The following LRP1B variants were observed in gnomAD, a reference collection of about 807,000 sequenced individuals.
LRP1B encodes the protein LDL receptor related protein 1B.
Under a neutral mutation model 556.6 loss-of-function variants are expected in LRP1B, and 217 were observed. That is an observed-to-expected ratio of 0.39 (90% CI 0.35 to 0.44). The LOEUF (loss-of-function observed/expected upper bound fraction) is 0.44, where lower values mean the gene tolerates loss of function less well. Ranked by LOEUF, LRP1B falls within the 20% of genes least tolerant of loss-of-function variation. The probability of loss-of-function intolerance (pLI) is 1.00; values close to 1 mark genes in which losing one functional copy is unlikely to be tolerated. For synonymous variants in LRP1B, 2,047 were observed against 1,865.8 expected (o/e 1.10, Z -2.50); for missense variants, 5,053 against 5,620.8 (o/e 0.90, Z 3.23).
At chr2:140,339,650 G>A (rs909526418) in intron 77 of LRP1B, among the ~76,000 whole-genome samples, 3 of 151,410 alleles carry the variant, frequency 2.0e-5, no homozygotes, top group African/African-American at 4.8e-5. Flanking sequence ...AATATGAATC[G>A]GATTCACTTC....
At chr2:140,546,989 T>G (rs1312980624) in intron 43 of LRP1B, among the ~76,000 whole-genome samples, 1 of 152,164 alleles carries the variant, frequency 6.6e-6, no homozygotes. Context: ...CAAGCTTGCA[T>G]CCGAGGGATA....
At chr2:140,377,969 C>G (rs1275226191) in intron 68 of LRP1B, among the ~76,000 whole-genome samples, 1 of 152,142 alleles carries the variant, frequency 6.6e-6, no homozygotes, top group African/African-American at 2.4e-5. Context: ...TGAGGTAAAA[C>G]AGACTATAAA....
At chr2:140,548,611 C>G (rs944218205) in intron 43 of LRP1B, among the ~76,000 whole-genome samples, 1 of 152,062 alleles carries the variant, frequency 6.6e-6, no homozygotes. Flanking sequence ...TACCACATCT[C>G]TCTCCCTCAT....
chr2:141,440,824 C>T (rs1680937116), intron 3 of LRP1B, among the ~76,000 whole-genome samples: 1 of 152,184 alleles, frequency 6.6e-6, no homozygotes, highest in Admixed American at 6.5e-5. Flanking sequence ...TAACAAGTTG[C>T]AGCGGTGGTT....
intron 2 of LRP1B, among the ~76,000 whole-genome samples, chr2:141,550,312 A>G (rs1685703680): frequency 6.6e-6 from 1 of 152,180 alleles, no homozygotes; most frequent in African/African-American, 2.4e-5. Flanking sequence ...AATTTCCTAA[A>G]ATCCTATTTG....
At chr2:140,246,425 A>G (rs1681164278) in intron 87 of LRP1B, among the ~76,000 whole-genome samples, 1 of 151,476 alleles carries the variant, frequency 6.6e-6, no homozygotes, top group South Asian at 2.1e-4. Context: ...AAAACTTTAT[A>G]ACATCATTTC....
chr2:140,867,583 CACTT>C lies in LRP1B; in HGVS notation c.4579+3_4579+6del. ...GGTGGTTAATCCATAAGTGAACAAG[CACTT>C]ACCCTGTGGCTGGCGACTGGGATGG... On this transcript the variant is annotated splice_donor_5th_base_variant and intron_variant, in intron 27 of 90. Transcript: ENST00000389484. The C allele has an allele frequency of 6.2e-7, 1 of 1,609,672 alleles. No homozygotes were observed. The highest frequency in any genetic ancestry group is 8.5e-7 in the Non-Finnish European group (1 of 1,177,404).
intron 29 of LRP1B, among the ~76,000 whole-genome samples, chr2:140,849,336 C>T (rs562831000): frequency 2.7e-4 from 40 of 149,292 alleles, no homozygotes; most frequent in Admixed American, 4.0e-4. Context: ...CGTGCCACTG[C>T]GCTGCAGCCT....
At chr2:141,827,994 G>A (rs1035155499) in intron 1 of LRP1B, among the ~76,000 whole-genome samples, 2 of 151,198 alleles carry the variant, frequency 1.3e-5, no homozygotes, top group Non-Finnish European at 2.9e-5. Flanking sequence ...ACTTCAACAG[G>A]CAGTGCAACA....
chr2:140,408,575 G>A (rs1483421507), intron 66 of LRP1B, among the ~76,000 whole-genome samples: 1 of 151,776 alleles, frequency 6.6e-6, no homozygotes, highest in African/African-American at 2.4e-5. Context: ...GAAAAGGATG[G>A]GGAATCCTAT....
At chr2:140,677,072 A>G (rs1379802770) in intron 41 of LRP1B, among the ~76,000 whole-genome samples, 1 of 152,244 alleles carries the variant, frequency 6.6e-6, no homozygotes, top group African/African-American at 2.4e-5. Context: ...AATAGAGATT[A>G]GCAATGGCAT....
rs140554278 is a variant in LRP1B at position 140,633,471 on chromosome 2, A to C, written c.6800-31832T>G. On this transcript the variant is annotated intron_variant, in intron 41 of 90. Transcript: ENST00000389484. ...AGGAAAGCAGAAGGGAAGAAATAAA[A>C]ATTGAAGCAGAAGTCATTGAAATTA... is the stretch of plus-strand genomic sequence containing the variant. 3.0e-3 allele frequency among the ~76,000 whole-genome samples: 454 copies of C among 152,284 alleles called. 6 individuals carry two copies. Among genetic ancestry groups the C allele is most frequent in the African/African-American group, 0.011 (439 of 41,568 alleles).
intron 2 of LRP1B, among the ~76,000 whole-genome samples, chr2:141,751,653 A>G (rs1179675571): frequency 6.6e-6 from 1 of 151,958 alleles, no homozygotes; most frequent in Non-Finnish European, 1.5e-5. Context: ...AAGCATTTTC[A>G]TGGTCAATTA....
At chr2:140,834,449 A>G (rs1329532865) in intron 31 of LRP1B, among the ~76,000 whole-genome samples, 1 of 152,214 alleles carries the variant, frequency 6.6e-6, no homozygotes, top group Admixed American at 6.5e-5. Context: ...CATTTTAGCC[A>G]GGATGATCTG....
rs4483981 is a variant in LRP1B at position 140,899,988 on chromosome 2, A to C, written c.3766+2932T>G. Among the ~76,000 whole-genome samples, 61 of 152,082 alleles carry C rather than the reference A, an allele frequency of 4.0e-4. 1 individual carries two copies. In the Middle Eastern group the frequency reaches 0.02, roughly 51 times the overall value. ...TAATATTTTAAAACAAGAAAAAAAA[A>C]CAAAAAACTATGATCAAATAAATTT... On this transcript the variant is annotated intron_variant, in intron 23 of 90. Coordinates refer to ENST00000389484, the MANE Select transcript of LRP1B (RefSeq NM_018557.3).
chr2:140,644,958 T>C (rs1481652768), intron 41 of LRP1B, among the ~76,000 whole-genome samples: 1 of 152,166 alleles, frequency 6.6e-6, no homozygotes, highest in Admixed American at 6.5e-5. Context: ...ATCTAAAATA[T>C]TAATGAATTG....
At chr2:140,908,141 C>G (rs894818654) in intron 21 of LRP1B, 64 bp from the exon 22 acceptor site, 12 of 1,249,624 alleles carry the variant, frequency 9.6e-6, no homozygotes, top group African/African-American at 4.4e-5. Context: ...TAATGAGTGG[C>G]CATTATTGTC....
intron 84 of LRP1B, among the ~76,000 whole-genome samples, chr2:140,275,466 TAGTC>T (rs1682630472): frequency 2.6e-5 from 4 of 151,960 alleles, no homozygotes; most frequent in Admixed American, 2.6e-4. Context: ...CGGTCTCAAG[TAGTC>T]AAAGTGGCAG....
At chr2:140,560,544 T>A (rs1680892311) in intron 43 of LRP1B, among the ~76,000 whole-genome samples, 1 of 152,010 alleles carries the variant, frequency 6.6e-6, no homozygotes, top group Admixed American at 6.6e-5. Context: ...TTCATAACAA[T>A]AAACATGAAA....
Sources: gnomAD v4.1 joint callset for allele counts (sites outside exome capture counted in the v4.1 genomes callset) on GRCh38, gnomAD v4.1.1 for gene constraint, MANE v1.5 for transcripts, NCBI Gene and HGNC (gene_info 2026-07-23, HGNC 2026-07-21) for gene names.